B4GALT5: variants seen among roughly 807,000 people sequenced by gnomAD.
The protein encoded by B4GALT5 is UDP-Gal:beta-GlcNAc beta-1,4-galactosyltransferase 5.
A neutral mutation model predicts 45.0 loss-of-function variants in B4GALT5; 11 were observed. The observed-to-expected ratio is 0.24, with a 90% confidence interval of 0.15 to 0.40. The LOEUF (loss-of-function observed/expected upper bound fraction) is 0.40. B4GALT5 is among the 10% of genes least tolerant of loss of function. B4GALT5 has a pLI of 1.00. For synonymous variants in B4GALT5, 185 were observed against 182.9 expected (o/e 1.01, Z -0.09); for missense variants, 337 against 500.2 (o/e 0.67, Z 3.11).
At chr20:49,667,403 C>T (rs887187040) in intron 1 of B4GALT5, among the ~76,000 whole-genome samples, 3 of 151,998 alleles carry the variant, frequency 2.0e-5, no homozygotes, top group Admixed American at 6.6e-5. Flanking sequence ...AGGTGCCTGC[C>T]ACCTCGCCCG....
At chr20:49,654,300 C>A (rs1420269301) in intron 2 of B4GALT5, among the ~76,000 whole-genome samples, 1 of 152,166 alleles carries the variant, frequency 6.6e-6, no homozygotes, top group Non-Finnish European at 1.5e-5. Flanking sequence ...TAAAATTCTG[C>A]CTTAACTGAC....
At chr20:49,653,170 TG>T (rs1295997467) in intron 2 of B4GALT5, among the ~76,000 whole-genome samples, 1 of 152,258 alleles carries the variant, frequency 6.6e-6, no homozygotes, top group Non-Finnish European at 1.5e-5. Context: ...ACTTACCAGT[TG>T]ATCAACCCCA....
intron 1 of B4GALT5, among the ~76,000 whole-genome samples, chr20:49,691,033 C>T (rs1042770320): frequency 1.3e-5 from 2 of 152,086 alleles, no homozygotes; most frequent in African/African-American, 4.8e-5. Flanking sequence ...GTGCTCTGGT[C>T]CTAGAATATT....
At chr20:49,674,522 T>C (rs2085729577) in intron 1 of B4GALT5, among the ~76,000 whole-genome samples, 1 of 152,062 alleles carries the variant, frequency 6.6e-6, no homozygotes, top group South Asian at 2.1e-4. Context: ...TCCCAGGAAT[T>C]AGTAACTTTT....
At chr20:49,698,096 C>T (rs542966629) in intron 1 of B4GALT5, among the ~76,000 whole-genome samples, 7 of 152,238 alleles carry the variant, frequency 4.6e-5, no homozygotes, top group African/African-American at 1.7e-4. Context: ...CAGAGGCAGG[C>T]AGATTACCTG....
chr20:49,688,906 C>T (rs906013511), intron 1 of B4GALT5, among the ~76,000 whole-genome samples: 1 of 141,830 alleles, frequency 7.1e-6, no homozygotes, highest in African/African-American at 2.7e-5. Context: ...CATTCCACTT[C>T]AGCCTGGGTA....
At chr20:49,649,044 A>G (rs1042818379) in intron 2 of B4GALT5, among the ~76,000 whole-genome samples, 6 of 152,258 alleles carry the variant, frequency 3.9e-5, no homozygotes, top group African/African-American at 1.4e-4. Flanking sequence ...CACTATGAGC[A>G]GGTTTCCAAG....
At chr20:49,662,586 T>C (rs558961503) in intron 1 of B4GALT5, among the ~76,000 whole-genome samples, 7 of 152,316 alleles carry the variant, frequency 4.6e-5, no homozygotes, top group African/African-American at 1.7e-4. Flanking sequence ...TATTTTGCAT[T>C]AGCCCCCTCC....
chr20:49,679,203 T>C (rs1032183811), intron 1 of B4GALT5, among the ~76,000 whole-genome samples: 2 of 152,206 alleles, frequency 1.3e-5, no homozygotes, highest in African/African-American at 4.8e-5. Context: ...ATCTTAAAAA[T>C]AACCTCTTGC....
intron 1 of B4GALT5, among the ~76,000 whole-genome samples, chr20:49,669,597 G>A (rs942421391): frequency 7.3e-5 from 11 of 151,434 alleles, no homozygotes; most frequent in African/African-American, 2.7e-4. Context: ...TCGGGAGGCT[G>A]AGAAAGGAGA....
intron 1 of B4GALT5, among the ~76,000 whole-genome samples, chr20:49,696,658 A>G (rs940261480): frequency 6.6e-6 from 1 of 152,340 alleles, no homozygotes; most frequent in Non-Finnish European, 1.5e-5. Flanking sequence ...CTGAGGTGCA[A>G]AATTTTCAAA....
intron 3 of B4GALT5, among the ~76,000 whole-genome samples, chr20:49,644,637 A>G (rs1365387811): frequency 6.6e-6 from 1 of 152,238 alleles, no homozygotes; most frequent in Non-Finnish European, 1.5e-5. Flanking sequence ...GTCAACGCCT[A>G]TTTCTGATAC....
chr20:49,666,544 G>C (rs1646904545), intron 1 of B4GALT5, among the ~76,000 whole-genome samples: 1 of 152,112 alleles, frequency 6.6e-6, no homozygotes, highest in African/African-American at 2.4e-5. Flanking sequence ...CATGCTTTTG[G>C]CATAAAGAAC....
At chr20:49,670,054 A>T (rs1262562333) in intron 1 of B4GALT5, among the ~76,000 whole-genome samples, 3 of 152,236 alleles carry the variant, frequency 2.0e-5, no homozygotes, top group Non-Finnish European at 1.5e-5. Context: ...AACAACCAGC[A>T]GCTCTCAGTG....
intron 1 of B4GALT5, among the ~76,000 whole-genome samples, chr20:49,685,358 T>C (rs1259494664): frequency 1.3e-5 from 2 of 152,176 alleles, no homozygotes; most frequent in African/African-American, 2.4e-5. Flanking sequence ...CAAAAATTAC[T>C]TTCCCTCTAC....
At chr20:49,689,886 T>G (rs1003654062) in intron 1 of B4GALT5, among the ~76,000 whole-genome samples, 1 of 152,226 alleles carries the variant, frequency 6.6e-6, no homozygotes, top group Admixed American at 6.5e-5. Context: ...ATAAATGTTT[T>G]TTTGTTTGTT....
In B4GALT5 at chr20:49,633,555, A is replaced by G. The variant is rs1159373041; in HGVS notation, c.*2757T>C. On this transcript the variant is annotated 3_prime_UTR_variant, in exon 9 of 9. Coordinates refer to ENST00000371711, the MANE Select transcript of B4GALT5 (RefSeq NM_004776.4). ...GAGGCCTGGTGGACACATGACTGAC[A>G]GTGCACATCCAGAGATTCTACACTC... 1 of 151,456 alleles carries G rather than the reference A, an allele frequency of 6.6e-6. No homozygotes were observed. Among genetic ancestry groups the G allele is most frequent in the African/African-American group, 2.4e-5 (1 of 41,072 alleles). 9.4% of individuals were successfully genotyped at this position (151,456 alleles called of 1,614,324 possible).
At chr20:49,650,456 TAA>T (rs141588605) in intron 2 of B4GALT5, among the ~76,000 whole-genome samples, 17,558 of 128,094 alleles carry the variant, frequency 0.14, 1,069 homozygotes, top group East Asian at 0.21. Flanking sequence ...CCATCTCTGC[TAA>T]AAAAAAAAAA....
At chr20:49,637,480 G>A (rs765246861) in intron 7 of B4GALT5, 38 bp from the exon 8 acceptor site, 12 of 1,492,238 alleles carry the variant, frequency 8.0e-6, no homozygotes, top group East Asian at 4.5e-5. Context: ...TAGATACAAC[G>A]GTAATAGCCC....
Sources: allele counts gnomAD v4.1 joint callset (sites outside exome capture counted in the v4.1 genomes callset), GRCh38; gene constraint gnomAD v4.1.1; transcripts MANE v1.5; gene names NCBI Gene and HGNC (gene_info 2026-07-23, HGNC 2026-07-21).